PHF20: variants seen among roughly 807,000 people sequenced by gnomAD.
PHF20 encodes glioma-expressed antigen 2.
In PHF20, 23 loss-of-function variants were observed where a neutral mutation model predicts 113.5. That is an observed-to-expected ratio of 0.20 (90% CI 0.15 to 0.29). The LOEUF (loss-of-function observed/expected upper bound fraction) is 0.29. Ranked by LOEUF, PHF20 falls within the 10% of genes least tolerant of loss-of-function variation. PHF20 has a pLI of 1.00. For missense variants in PHF20, 943 were observed against 1,219.6 expected (o/e 0.77, Z 3.38); for synonymous variants, 434 against 457.3 (o/e 0.95, Z 0.65).
At chr20:35,786,170 C>T (rs2041409114) in intron 1 of PHF20, among the ~76,000 whole-genome samples, 2 of 151,888 alleles carry the variant, frequency 1.3e-5, no homozygotes, top group African/African-American at 2.4e-5. Context: ...AGGTGGATCA[C>T]GAGGTCAGGA....
intron 2 of PHF20, among the ~76,000 whole-genome samples, chr20:35,817,944 C>A (rs1169486478): frequency 6.6e-6 from 1 of 151,424 alleles, no homozygotes; most frequent in Non-Finnish European, 1.5e-5. Context: ...CCCATCTCTA[C>A]AAAAAAATAT....
intron 10 of PHF20, among the ~76,000 whole-genome samples, chr20:35,899,895 A>G (rs1285850051): frequency 6.6e-6 from 1 of 152,176 alleles, no homozygotes; most frequent in Non-Finnish European, 1.5e-5. Flanking sequence ...TGCTTCCAGT[A>G]TGAGTGGGGA....
At position 35,947,503 on chromosome 20, in the gene PHF20, A is replaced by T; in HGVS notation, c.2915A>T (p.Asp972Val). Residue 972 changes from aspartate (D) to valine (V), a missense_variant, in exon 18 of 18, where the codon GAC becomes GTC. Around this residue, in one of 3 missense-constraint regions of PHF20, gnomAD observed 349 missense variants for 412.3 expected, o/e 0.85. Coordinates refer to ENST00000374012, the MANE Select transcript of PHF20 (RefSeq NM_016436.5). ...CCGACAGTGTTGGAGAGCTGGCTGG[A>T]CTACACTGGGGAACTGGAGCCCCCT... ...KELDVLESWL[D>V]YTGELEPPEP... The T allele has an allele frequency of 3.1e-6, 5 of 1,613,954 alleles. No individual in the cohort carries two copies. Among genetic ancestry groups the T allele is most frequent in the Non-Finnish European group, 4.2e-6 (5 of 1,179,942 alleles).
intron 2 of PHF20, among the ~76,000 whole-genome samples, chr20:35,823,362 A>G (rs2042204449): frequency 6.7e-6 from 1 of 150,104 alleles, no homozygotes; most frequent in Non-Finnish European, 1.5e-5. Flanking sequence ...GCACCTTGGG[A>G]GGACAACGTG....
intron 2 of PHF20, among the ~76,000 whole-genome samples, chr20:35,837,915 C>T (rs1480538738): frequency 6.6e-6 from 1 of 152,214 alleles, no homozygotes; most frequent in Non-Finnish European, 1.5e-5. Context: ...CCGTAAGTGA[C>T]TTGCATCTTT....
In PHF20 at chr20:35,939,009, C is replaced by T. The variant is rs1241007650; in HGVS notation, c.2613C>T (p.Leu871=). Residue 871 remains leucine, a synonymous_variant, in exon 16 of 18, where the codon CTC becomes CTT. Coordinates refer to ENST00000374012, the MANE Select transcript of PHF20 (RefSeq NM_016436.5). ...CCCTCGACGATGCGGTCAACCCCCTCCATGAGAACGGCGATGATTCCCTTT... is the reference window on the plus strand; with the variant it reads ...CCCTCGACGATGCGGTCAACCCCCTTCATGAGAACGGCGATGATTCCCTTT... The part of the protein sequence containing the change: ...GSALDDAVNP[L]HENGDDSLSP... 6.2e-7 allele frequency: 1 copy of T among 1,614,154 alleles called. No homozygotes were observed. The highest frequency in any genetic ancestry group is 1.1e-5 in the South Asian group (1 of 91,088).
At chr20:35,831,157 C>T (rs974121335) in intron 2 of PHF20, among the ~76,000 whole-genome samples, 1 of 151,070 alleles carries the variant, frequency 6.6e-6, no homozygotes, top group Admixed American at 6.6e-5. Context: ...CCCTCCCTCC[C>T]TCCTTTCCTT....
At chr20:35,791,241 G>C (rs959515110) in intron 1 of PHF20, among the ~76,000 whole-genome samples, 29 of 152,080 alleles carry the variant, frequency 1.9e-4, no homozygotes, top group African/African-American at 6.8e-4. Flanking sequence ...ATTGGCAACA[G>C]TGTAATTAAC....
chr20:35,926,080 C>T (rs2055624406), intron 13 of PHF20, among the ~76,000 whole-genome samples: 1 of 144,138 alleles, frequency 6.9e-6, no homozygotes. Context: ...CGAGATTGTC[C>T]CACTGCACTC....
At chr20:35,858,276 A>G in intron 4 of PHF20, 26 bp from the exon 5 acceptor site, 1 of 1,238,956 alleles carries the variant, frequency 8.1e-7, no homozygotes, top group South Asian at 1.3e-5. Context: ...TGTGAGTTAA[A>G]ATCATGATAT....
Position 35,871,849 on chromosome 20 carries a change from T to G in PHF20, c.1282+20T>G. The G allele has an allele frequency of 1.3e-6, 2 of 1,545,962 alleles. No homozygotes were observed. Among genetic ancestry groups the G allele is most frequent in the Non-Finnish European group, 1.8e-6 (2 of 1,137,300 alleles). On this transcript the variant is annotated intron_variant, in intron 9 of 17. Coordinates refer to ENST00000374012, the MANE Select transcript of PHF20 (RefSeq NM_016436.5). The stretch of plus-strand genomic sequence containing the variant: ...TGGAAGGTTCATATTTAGAGTTAAA[T>G]TAATCCTCTTTTTATATACACTTTT...
rs190166762 is a variant in PHF20, at chr20:35,890,001, T to C, written c.1283-9369T>C. Among the ~76,000 whole-genome samples, 65 of 152,180 alleles carry C rather than the reference T, an allele frequency of 4.3e-4. No individual in the cohort carries two copies. In the East Asian group the frequency reaches 8.3e-3, roughly 19 times the overall value. Reference sequence around the variant, plus strand: ...AACTTGGCCTCCCAAAGTGCTGGGATTACAGGCATGAGCCACCATCCCTGG... The same window carrying C: ...AACTTGGCCTCCCAAAGTGCTGGGACTACAGGCATGAGCCACCATCCCTGG... On this transcript the variant is annotated intron_variant, in intron 9 of 17. Transcript: ENST00000374012.
In PHF20 at chr20:35,917,508, C is replaced by G. The variant is rs780974892; in HGVS notation, c.1850C>G (p.Ser617Cys). ...GAGGAGGATAATTTGAGTGAGTCCTCTTCTGAGAGCTTTCTCTGGAGTGAT... is the reference window on the plus strand; with the variant it reads ...GAGGAGGATAATTTGAGTGAGTCCTGTTCTGAGAGCTTTCTCTGGAGTGAT... ...ALEEDNLSES[S>C]SESFLWSDDE... The change falls in exon 13 of 18, where the codon TCT becomes TGT. Residue 617 changes from serine (S) to cysteine (C), a missense_variant. By Grantham distance (112) the Ser-to-Cys change is moderately radical. Coordinates refer to ENST00000374012, the MANE Select transcript of PHF20 (RefSeq NM_016436.5). The G allele has an allele frequency of 2.5e-6, 4 of 1,613,950 alleles. No individual in the cohort carries two copies. Among genetic ancestry groups the G allele is most frequent in the Non-Finnish European group, 3.4e-6 (4 of 1,179,902 alleles).
intron 2 of PHF20, among the ~76,000 whole-genome samples, chr20:35,834,796 T>C (rs1412947181): frequency 6.6e-6 from 1 of 152,212 alleles, no homozygotes; most frequent in Non-Finnish European, 1.5e-5. Context: ...GTTCCTGCCC[T>C]GTAAAGTGCT....
chr20:35,936,518 G>A (rs2055867836), intron 15 of PHF20, among the ~76,000 whole-genome samples: 1 of 152,208 alleles, frequency 6.6e-6, no homozygotes, highest in East Asian at 1.9e-4. Context: ...TGGAGGCACA[G>A]CTTTCAGTAG....
chr20:35,858,499 C>T (rs976897084), intron 5 of PHF20, 118 bp downstream of exon 5: 3 of 568,948 alleles, frequency 5.3e-6, no homozygotes, highest in African/African-American at 3.8e-5. Flanking sequence ...CTCCATCTGA[C>T]ACAATTTCAC....
In PHF20 at chr20:35,938,810, A is replaced by G; in HGVS notation, c.2414A>G (p.Glu805Gly). The change falls in exon 16 of 18, where the codon GAA (glutamate) becomes GGA (glycine). Residue 805 changes from glutamate to glycine, a missense_variant. Glu to Gly is a moderately conservative substitution (Grantham distance 98). This residue lies in a region of PHF20 where 349 missense variants were observed against 412.3 expected (regional missense o/e 0.85). Transcript: ENST00000374012. ...IPVTDTRSKE[E>G]APSYRTLNGA... The stretch of plus-strand genomic sequence containing the variant: ...GTCACTGACACCAGGAGCAAGGAGG[A>G]AGCTCCAAGCTATAGAACTTTGAAC... 4 of 1,614,190 alleles carry G rather than the reference A, an allele frequency of 2.5e-6. No homozygotes were observed. The highest frequency in any genetic ancestry group is 3.4e-6 in the Non-Finnish European group (4 of 1,180,012).
intron 5 of PHF20, among the ~76,000 whole-genome samples, chr20:35,862,556 T>G (rs1175006700): frequency 6.6e-6 from 1 of 152,096 alleles, no homozygotes; most frequent in East Asian, 1.9e-4. Context: ...AGGGAGACCC[T>G]ATTGCTACAA....
intron 9 of PHF20, among the ~76,000 whole-genome samples, chr20:35,897,559 CTTTTTT>C (rs150122625): frequency 9.3e-6 from 1 of 107,684 alleles, no homozygotes; most frequent in African/African-American, 3.9e-5. Context: ...TTCTGGATCC[CTTTTTT>C]TTTTTTTTTT....
Sources: gnomAD v4.1 joint callset for allele counts (sites outside exome capture counted in the v4.1 genomes callset) on GRCh38, gnomAD v4.1.1 for gene constraint, gnomAD v4.1.1 regional missense constraint, MANE v1.5 for transcripts, NCBI Gene and HGNC (gene_info 2026-07-23, HGNC 2026-07-21) for gene names.